Variants in BRAP observed in about 807,000 individuals in gnomAD.
BRAP encodes the protein BRCA1-associated protein.
A neutral mutation model predicts 73.4 loss-of-function variants in BRAP; 42 were observed. The ratio of observed to expected loss-of-function variants is 0.57; its 90% CI spans 0.45 to 0.74. BRAP has a LOEUF of 0.74. Ranked by LOEUF, BRAP falls within the 30% of genes least tolerant of loss-of-function variation. BRAP has a pLI of 0.00. For synonymous variants in BRAP, 255 were observed against 267.4 expected (o/e 0.95, Z 0.45); for missense variants, 593 against 751.4 (o/e 0.79, Z 2.46).
At chr12:111,661,186 G>A (rs562816456) in intron 6 of BRAP, among the ~76,000 whole-genome samples, 6 of 150,748 alleles carry the variant, frequency 4.0e-5, no homozygotes, top group Admixed American at 3.3e-4. Flanking sequence ...CACCATGTTG[G>A]CCAGGATGGT....
intron 4 of BRAP, among the ~76,000 whole-genome samples, chr12:111,673,965 G>A (rs1375545902): frequency 5.3e-5 from 8 of 152,300 alleles, no homozygotes; most frequent in African/African-American, 1.9e-4. Flanking sequence ...GGGAGGCCAA[G>A]GCTTGTCTGG....
At position 111,644,230 on chromosome 12, in the gene BRAP, G is replaced by C; in HGVS notation, c.1748C>G (p.Ser583Cys). 6.2e-7 allele frequency: 1 copy of C among 1,613,072 alleles called. No homozygotes were observed. The highest frequency in any genetic ancestry group is 8.5e-7 in the Non-Finnish European group (1 of 1,179,932). ...GCCCCTCTTGCTGCGGCCCTTCCTG[G>C]AGGGCAACTTCCCACTGCCCCCCGA... Reference protein sequence around the residue: ...ASSGGSGKLPSRKGRSKRGK With the variant: ...ASSGGSGKLPCRKGRSKRGK Residue 583 changes from serine (S) to cysteine (C), a missense_variant, in exon 12 of 12, where the codon TCC (serine) becomes TGC (cysteine). Ser to Cys is a moderately radical substitution (Grantham distance 112). Transcript: ENST00000419234.
chr12:111,655,503 ACCC>A, intron 10 of BRAP, 60 bp downstream of exon 10: 2 of 1,326,528 alleles, frequency 1.5e-6, no homozygotes, highest in Non-Finnish European at 2.2e-6. Flanking sequence ...TGCCTTCCAC[ACCC>A]CCCATCAGAG....
intron 6 of BRAP, among the ~76,000 whole-genome samples, chr12:111,663,402 G>A (rs1886824954): frequency 1.3e-5 from 2 of 152,104 alleles, no homozygotes; most frequent in African/African-American, 2.4e-5. Flanking sequence ...GCAGTGAGCC[G>A]AGATCACGCT....
At chr12:111,677,608 C>A (rs1887434100) in intron 4 of BRAP, among the ~76,000 whole-genome samples, 1 of 152,152 alleles carries the variant, frequency 6.6e-6, no homozygotes, top group Admixed American at 6.5e-5. Context: ...GTGAGTGATA[C>A]AGAAGCCATC....
chr12:111,645,976 C>G (rs1384323166), intron 11 of BRAP, among the ~76,000 whole-genome samples: 1 of 151,636 alleles, frequency 6.6e-6, no homozygotes, highest in Non-Finnish European at 1.5e-5. Context: ...AGTGACAGAA[C>G]GAGATCTTGT....
At chr12:111,672,611 T>C (rs780131591) in intron 5 of BRAP, 50 bp downstream of exon 5, 1 of 1,517,126 alleles carries the variant, frequency 6.6e-7, no homozygotes, top group Non-Finnish European at 9.1e-7. Flanking sequence ...CATTCAATTT[T>C]ACACCAATCT....
chr12:111,645,713 A>T (rs1344993021), intron 11 of BRAP, among the ~76,000 whole-genome samples: 1 of 152,196 alleles, frequency 6.6e-6, no homozygotes. Context: ...GCATTGGCTC[A>T]TGCTTGGAAT....
At chr12:111,649,133 T>G (rs1176208388) in intron 11 of BRAP, among the ~76,000 whole-genome samples, 1 of 152,180 alleles carries the variant, frequency 6.6e-6, no homozygotes, top group Non-Finnish European at 1.5e-5. Context: ...AATTTTGTAG[T>G]GTTGTTTTTA....
At chr12:111,664,656 G>A (rs1886872148) in intron 6 of BRAP, among the ~76,000 whole-genome samples, 1 of 152,228 alleles carries the variant, frequency 6.6e-6, no homozygotes, top group Non-Finnish European at 1.5e-5. Flanking sequence ...AGACACAGCA[G>A]TGAGCAAGCC....
chr12:111,683,144 A>G lies in BRAP; in HGVS notation c.244+2T>C. The G allele has an allele frequency of 6.2e-7, 1 of 1,612,686 alleles. No homozygotes were observed. ...GAGAGTCCAGGGTTTTAGAAAGCATACCTGGGTTGGACTTCATGGTCTCAA... is the reference window on the plus strand; with the variant it reads ...GAGAGTCCAGGGTTTTAGAAAGCATGCCTGGGTTGGACTTCATGGTCTCAA... On this transcript the variant is annotated splice_donor_variant, in intron 2 of 11. Transcript: ENST00000419234. LOFTEE classifies it high-confidence loss of function.
At chr12:111,645,500 A>G (rs1264280206) in intron 11 of BRAP, among the ~76,000 whole-genome samples, 6 of 152,152 alleles carry the variant, frequency 3.9e-5, no homozygotes, top group Non-Finnish European at 7.3e-5. Flanking sequence ...TGCCTTCGAG[A>G]TGATAGCTGT....
chr12:111,644,243 C>T lies in BRAP; in HGVS notation c.1735G>A (p.Gly579Arg). ...CGGCCCTTCCTGGAGGGCAACTTCC[C>T]ACTGCCCCCCGAAGAGGCAGGGCTC... The part of the protein sequence containing the change: ...ASSPASSGGS[G>R]KLPSRKGRSK... Residue 579 changes from glycine to arginine, a missense_variant, in exon 12 of 12, where the codon GGG (glycine) becomes AGG (arginine). Physicochemically the swap from Gly to Arg is moderately radical, Grantham distance 125. Coordinates refer to ENST00000419234, the MANE Select transcript of BRAP (RefSeq NM_006768.5). 1 of 1,613,692 alleles carries T rather than the reference C, an allele frequency of 6.2e-7. No individual in the cohort carries two copies. The highest frequency in any genetic ancestry group is 1.1e-5 in the South Asian group (1 of 91,070).
In BRAP at chr12:111,644,373, G is replaced by A. The variant is rs200375363; in HGVS notation, c.1605C>T (p.Asp535=). Residue 535 remains aspartate, a synonymous_variant, in exon 12 of 12, where the codon GAC becomes GAT. Transcript: ENST00000419234. The part of the protein sequence containing the change: ...QITEIQEQLR[D]VMFYLETQQK... ...GCTGTGTCTCCAGGTAGAACATGAC[G>A]TCACGCAGCTGCTCCTGGATCTCGG... is the stretch of plus-strand genomic sequence containing the variant. 7.3e-5 allele frequency: 117 copies of A among 1,613,722 alleles called. No individual in the cohort carries two copies. Among genetic ancestry groups the A allele is most frequent in the Non-Finnish European group, 8.9e-5 (105 of 1,179,980 alleles).
chr12:111,680,325 T>C (rs1029823460), intron 3 of BRAP, among the ~76,000 whole-genome samples: 2 of 152,106 alleles, frequency 1.3e-5, no homozygotes, highest in African/African-American at 4.8e-5. Context: ...ATGGCTGGAA[T>C]AGAGAGGAAA....
At chr12:111,663,509 C>T (rs1427535019) in intron 6 of BRAP, among the ~76,000 whole-genome samples, 1 of 152,104 alleles carries the variant, frequency 6.6e-6, no homozygotes, top group Non-Finnish European at 1.5e-5. Context: ...CCTTTCTCTG[C>T]AAAAAATTAT....
intron 7 of BRAP, among the ~76,000 whole-genome samples, chr12:111,659,878 CA>C (rs1566116554): frequency 6.6e-6 from 1 of 151,524 alleles, no homozygotes; most frequent in Non-Finnish European, 1.5e-5. Flanking sequence ...GTAGAAAAAA[CA>C]AAAACAAAAT....
chr12:111,650,006 C>A lies in BRAP; in HGVS notation c.1348G>T (p.Glu450Ter). Reference protein sequence around the residue: ...NMKTKFKETIEKCDNLEHKLN... With the variant: ...NMKTKFKETI Reference sequence around the variant, plus strand: ...TTGTGCTCTAGATTATCACACTTCTCAATTGTTTCTTTAAACTTGGTCTTC... The same window carrying A: ...TTGTGCTCTAGATTATCACACTTCTAAATTGTTTCTTTAAACTTGGTCTTC... Residue 450 changes from glutamate (E) to a stop codon, truncating the protein, a stop_gained, in exon 11 of 12, where the codon GAG becomes TAG. Coordinates refer to ENST00000419234, the MANE Select transcript of BRAP (RefSeq NM_006768.5). LOFTEE classifies it high-confidence loss of function. 1 of 1,611,434 alleles carries A rather than the reference C, an allele frequency of 6.2e-7. No individual in the cohort carries two copies. Among genetic ancestry groups the A allele is most frequent in the South Asian group, 1.1e-5 (1 of 90,760 alleles).
chr12:111,659,107 CA>C, intron 8 of BRAP, 99 bp downstream of exon 8: 5 of 1,440,004 alleles, frequency 3.5e-6, no homozygotes, highest in Non-Finnish European at 2.8e-6. Context: ...CAACAGCTGT[CA>C]AAAGATGACA....
Sources: gnomAD v4.1 joint callset for allele counts (sites outside exome capture counted in the v4.1 genomes callset) on GRCh38, gnomAD v4.1.1 for gene constraint, MANE v1.5 for transcripts, NCBI Gene and HGNC (gene_info 2026-07-23, HGNC 2026-07-21) for gene names.